The following DPYD variants were observed in gnomAD, a reference collection of about 807,000 sequenced individuals.
DPYD encodes dihydropyrimidine dehydrogenase.
In DPYD, 109 loss-of-function variants were observed where a neutral mutation model predicts 116.2. The observed-to-expected ratio is 0.94, with a 90% CI of 0.80 to 1.10. DPYD has a LOEUF of 1.10. Ranked by LOEUF, DPYD falls within the 50% of genes least tolerant of loss-of-function variation. DPYD has a pLI of 0.00. For missense variants in DPYD, 1,302 were observed against 1,254.5 expected, an observed-to-expected ratio of 1.04 and a Z score of -0.57; for synonymous variants, 440 against 432.0, an observed-to-expected ratio of 1.02 and a Z score of -0.23.
At chr1:97,411,017 G>A (rs1199258934) in intron 14 of DPYD, among the ~76,000 whole-genome samples, 1 of 152,138 alleles carries the variant, frequency 6.6e-6, no homozygotes. Context: ...ACAATGTTGG[G>A]TGAGGAAAGA....
intron 21 of DPYD, among the ~76,000 whole-genome samples, chr1:97,095,098 A>T (rs898974171): frequency 1.8e-4 from 27 of 152,314 alleles, no homozygotes; most frequent in African/African-American, 6.3e-4. Flanking sequence ...AGGAGTTTAG[A>T]ACCCAGAATT....
At chr1:97,689,784 C>T (rs144895232) in intron 7 of DPYD, among the ~76,000 whole-genome samples, 121 of 152,130 alleles carry the variant, frequency 8.0e-4, no homozygotes, top group African/African-American at 2.8e-3. Flanking sequence ...GTTCGTAAAT[C>T]ATAAAAGCTG....
At chr1:97,152,084 A>C (rs75059120) in intron 20 of DPYD, among the ~76,000 whole-genome samples, 2,784 of 152,310 alleles carry the variant, frequency 0.018, 78 homozygotes, top group African/African-American at 0.06. Context: ...CATGGCTTGA[A>C]GTTTCCTATC....
intron 5 of DPYD, among the ~76,000 whole-genome samples, chr1:97,709,608 A>G (rs1268797953): frequency 1.3e-5 from 2 of 151,782 alleles, no homozygotes; most frequent in Admixed American, 1.3e-4. Flanking sequence ...AAAGGGAGAG[A>G]TTATATTGAT....
At chr1:97,235,809 T>C (rs1661877911) in intron 18 of DPYD, among the ~76,000 whole-genome samples, 2 of 152,304 alleles carry the variant, frequency 1.3e-5, no homozygotes, top group South Asian at 2.1e-4. Flanking sequence ...TGTTGCTTTT[T>C]ATATGTACTT....
intron 14 of DPYD, among the ~76,000 whole-genome samples, chr1:97,393,724 C>T (rs1672847768): frequency 6.6e-6 from 1 of 151,982 alleles, no homozygotes; most frequent in Non-Finnish European, 1.5e-5. Flanking sequence ...TCCAAGTCTG[C>T]TATTGTGAAT....
chr1:97,158,111 C>G (rs995404533), intron 20 of DPYD, among the ~76,000 whole-genome samples: 1 of 151,894 alleles, frequency 6.6e-6, no homozygotes, highest in Non-Finnish European at 1.5e-5. Context: ...CCAATTATAC[C>G]CTTCACTGCA....
chr1:97,847,618 AAAAC>A (rs1380792512), intron 2 of DPYD, among the ~76,000 whole-genome samples: 1 of 152,210 alleles, frequency 6.6e-6, no homozygotes, highest in African/African-American at 2.4e-5. Flanking sequence ...ACAATTATAA[AAAAC>A]AATTCAATTA....
chr1:97,398,585 C>T (rs1268737623), intron 14 of DPYD, among the ~76,000 whole-genome samples: 1 of 152,166 alleles, frequency 6.6e-6, no homozygotes, highest in Non-Finnish European at 1.5e-5. Flanking sequence ...GTTCCTGTTT[C>T]TCCACATCCT....
intron 13 of DPYD, 62 bp downstream of exon 13, chr1:97,515,664 T>C: frequency 2.1e-6 from 3 of 1,455,898 alleles, no homozygotes; most frequent in Non-Finnish European, 2.8e-6. Flanking sequence ...CATTATAATG[T>C]TTATACCTTA....
At chr1:97,405,591 T>C (rs533547863) in intron 14 of DPYD, among the ~76,000 whole-genome samples, 41 of 152,156 alleles carry the variant, frequency 2.7e-4, no homozygotes, top group Admixed American at 2.4e-3. Context: ...TCTTGGCTCA[T>C]GGCAACCTCT....
chr1:97,269,816 C>T, intron 18 of DPYD, among the ~76,000 whole-genome samples: 1 of 152,184 alleles, frequency 6.6e-6, no homozygotes, highest in South Asian at 2.1e-4. Flanking sequence ...TCTCCAAATA[C>T]AGTCACATTG....
chr1:97,859,233 T>C (rs567611783), intron 2 of DPYD, among the ~76,000 whole-genome samples: 5 of 152,318 alleles, frequency 3.3e-5, no homozygotes, highest in African/African-American at 9.6e-5. Context: ...TATGGTATGA[T>C]TGTGTTGTCT....
At chr1:97,668,764 A>G (rs1659702917) in intron 8 of DPYD, among the ~76,000 whole-genome samples, 1 of 152,092 alleles carries the variant, frequency 6.6e-6, no homozygotes, top group African/African-American at 2.4e-5. Flanking sequence ...ATCAGTTTTA[A>G]ACTACAGTAT....
intron 2 of DPYD, among the ~76,000 whole-genome samples, chr1:97,842,934 A>T (rs1670108890): frequency 1.3e-5 from 2 of 152,050 alleles, no homozygotes; most frequent in Non-Finnish European, 2.9e-5. Flanking sequence ...CACTTGGTGG[A>T]GATGTTCAAT....
At chr1:97,323,614 GTATATATA>G (rs1668528985) in intron 16 of DPYD, among the ~76,000 whole-genome samples, 1 of 57,638 alleles carries the variant, frequency 1.7e-5, no homozygotes, top group Non-Finnish European at 3.9e-5. Flanking sequence ...ATATATACAC[GTATATATA>G]CATATCATAT....
At chr1:97,395,988 C>G (rs1672986225) in intron 14 of DPYD, among the ~76,000 whole-genome samples, 1 of 151,928 alleles carries the variant, frequency 6.6e-6, no homozygotes, top group Non-Finnish European at 1.5e-5. Context: ...GCAGCATAGC[C>G]CAGTTAAGCA....
At chr1:97,373,703 C>A (rs1055314912) in intron 15 of DPYD, 59 bp from the exon 16 acceptor site, 1 of 1,436,546 alleles carries the variant, frequency 7.0e-7, no homozygotes, top group African/African-American at 1.4e-5. Context: ...TACCAATAGG[C>A]TTTCACCGTT....
intron 20 of DPYD, among the ~76,000 whole-genome samples, chr1:97,104,623 A>G (rs1651001795): frequency 1.3e-5 from 2 of 152,126 alleles, no homozygotes; most frequent in African/African-American, 4.8e-5. Flanking sequence ...AGGTGAAGGT[A>G]GGATGGCAAG....
Sources: allele counts gnomAD v4.1 joint callset (sites outside exome capture counted in the v4.1 genomes callset), GRCh38; gene constraint gnomAD v4.1.1; transcripts MANE v1.5; gene names NCBI Gene and HGNC (gene_info 2026-07-23, HGNC 2026-07-21).